The following CTNNA3 variants were observed in gnomAD, a reference collection of about 807,000 sequenced individuals.
CTNNA3 encodes the protein catenin alpha-3.
A neutral mutation model predicts 95.7 loss-of-function variants in CTNNA3; 76 were observed. The ratio of observed to expected loss-of-function variants is 0.79; its 90% CI spans 0.66 to 0.96. The LOEUF is 0.96. CTNNA3 is among the 40% of genes least tolerant of loss of function. The pLI, the probability that CTNNA3 is intolerant of heterozygous loss-of-function variation, is 0.00. For missense variants in CTNNA3, 1,191 were observed against 1,089.8 expected (o/e 1.09, Z -1.31); for synonymous variants, 431 against 374.4 (o/e 1.15, Z -1.74).
chr10:66,732,746 G>T (rs547656224), intron 9 of CTNNA3, among the ~76,000 whole-genome samples: 4 of 151,972 alleles, frequency 2.6e-5, no homozygotes, highest in Non-Finnish European at 4.4e-5. Context: ...TTCAAGATGG[G>T]ATTTGGGTGG....
At chr10:66,105,089 T>C (rs555404165) in intron 13 of CTNNA3, among the ~76,000 whole-genome samples, 1 of 152,334 alleles carries the variant, frequency 6.6e-6, no homozygotes, top group Admixed American at 6.5e-5. Flanking sequence ...AACCAATTCC[T>C]ATCAGATATT....
At chr10:67,306,418 G>T (rs1235435918) in intron 5 of CTNNA3, among the ~76,000 whole-genome samples, 2 of 152,178 alleles carry the variant, frequency 1.3e-5, no homozygotes, top group Non-Finnish European at 2.9e-5. Flanking sequence ...TTGCAAGATA[G>T]GTGATTGAAG....
intron 9 of CTNNA3, among the ~76,000 whole-genome samples, chr10:66,689,748 G>C (rs755430247): frequency 2.0e-5 from 3 of 151,994 alleles, no homozygotes; most frequent in Non-Finnish European, 4.4e-5. Context: ...AAAATAACAA[G>C]ACAGTAACTG....
intron 12 of CTNNA3, among the ~76,000 whole-genome samples, chr10:66,298,208 CAG>C: frequency 6.6e-6 from 1 of 152,248 alleles, no homozygotes; most frequent in East Asian, 1.9e-4. Context: ...GGTTAAAGGG[CAG>C]ACACTTGCAG....
intron 17 of CTNNA3, among the ~76,000 whole-genome samples, chr10:65,945,855 A>G (rs1234152723): frequency 6.6e-6 from 1 of 152,194 alleles, no homozygotes; most frequent in Non-Finnish European, 1.5e-5. Context: ...GTTAGTTGTC[A>G]TTGTGGTTAC....
chr10:65,986,584 C>T (rs574473577), intron 16 of CTNNA3, among the ~76,000 whole-genome samples: 1 of 151,084 alleles, frequency 6.6e-6, no homozygotes, highest in South Asian at 2.1e-4. Flanking sequence ...AAAAAGATAT[C>T]CTCTGTTCAT....
At chr10:66,445,122 C>T (rs989830824) in intron 11 of CTNNA3, among the ~76,000 whole-genome samples, 3 of 152,028 alleles carry the variant, frequency 2.0e-5, no homozygotes, top group African/African-American at 7.3e-5. Context: ...GAAGAGCTAA[C>T]TATCCTAAAT....
chr10:66,305,764 T>C (rs2091925258), intron 12 of CTNNA3, among the ~76,000 whole-genome samples: 1 of 152,178 alleles, frequency 6.6e-6, no homozygotes, highest in Admixed American at 6.5e-5. Flanking sequence ...TCAGAGAGGA[T>C]TGTCTTATTC....
At position 67,756,904 on chromosome 10, in the gene CTNNA3, A is replaced by G. The variant is rs188152924; in HGVS notation, c.-2+6530T>C. ...GTTACAGCTATGTAAAAAAATATAT[A>G]TAAGTATAGGGGAAAGGACTAAAAG... On this transcript the variant is annotated intron_variant, in intron 1 of 17. Transcript: ENST00000684154. 1.6e-4 allele frequency among the ~76,000 whole-genome samples: 25 copies of G among 152,350 alleles called. No individual in the cohort carries two copies. The East Asian group carries it at 3.3e-3, about 20-fold the overall frequency.
At chr10:67,197,351 G>C (rs1468569478) in intron 6 of CTNNA3, among the ~76,000 whole-genome samples, 1 of 152,010 alleles carries the variant, frequency 6.6e-6, no homozygotes, top group Non-Finnish European at 1.5e-5. Context: ...ATTTCTGTTT[G>C]ATTCTACCTT....
At chr10:66,818,845 T>A (rs755323164) in intron 7 of CTNNA3, among the ~76,000 whole-genome samples, 65 of 152,094 alleles carry the variant, frequency 4.3e-4, no homozygotes, top group Admixed American at 7.9e-4. Context: ...ATCCCAGCAC[T>A]TTGGGAGGCC....
Position 66,341,168 on chromosome 10 carries a change from G to A in CTNNA3, c.1732+37984C>T, listed in dbSNP as rs2092449660. Among the ~76,000 whole-genome samples, 3 of 151,962 alleles carry A rather than the reference G, an allele frequency of 2.0e-5. No individual in the cohort carries two copies. The South Asian group carries it at 6.2e-4, about 32-fold the overall frequency. On this transcript the variant is annotated intron_variant, in intron 12 of 17. Transcript: ENST00000433211. ...GATGAGTTAAAAGAAGATGAAACAAGATGATAAAACCAGTCTCTTTTCAAG... is the reference window on the plus strand; with the variant it reads ...GATGAGTTAAAAGAAGATGAAACAAAATGATAAAACCAGTCTCTTTTCAAG...
At chr10:66,882,785 G>A (rs1239369759) in intron 7 of CTNNA3, among the ~76,000 whole-genome samples, 1 of 151,824 alleles carries the variant, frequency 6.6e-6, no homozygotes, top group East Asian at 1.9e-4. Flanking sequence ...TTTATCAAGG[G>A]GAAAAAGATG....
At chr10:67,627,875 A>G (rs1235530932) in intron 2 of CTNNA3, among the ~76,000 whole-genome samples, 1 of 151,870 alleles carries the variant, frequency 6.6e-6, no homozygotes, top group Non-Finnish European at 1.5e-5. Flanking sequence ...ACTGTATATG[A>G]TAAACAACTA....
intron 13 of CTNNA3, among the ~76,000 whole-genome samples, chr10:66,157,464 A>C (rs1293291803): frequency 6.6e-6 from 1 of 151,182 alleles, no homozygotes; most frequent in Non-Finnish European, 1.5e-5. Context: ...AGATAGATAG[A>C]TAGACAGATG....
At chr10:67,252,585 C>T (rs1457699946) in intron 5 of CTNNA3, among the ~76,000 whole-genome samples, 2 of 152,128 alleles carry the variant, frequency 1.3e-5, no homozygotes, top group Non-Finnish European at 2.9e-5. Context: ...ACTGTACTCA[C>T]CCTTCTTCTT....
intron 5 of CTNNA3, among the ~76,000 whole-genome samples, chr10:67,318,343 A>C (rs2132545255): frequency 6.6e-6 from 1 of 152,282 alleles, no homozygotes; most frequent in Non-Finnish European, 1.5e-5. Flanking sequence ...AGATCATGTG[A>C]CCTTAAGCAA....
intron 11 of CTNNA3, among the ~76,000 whole-genome samples, chr10:66,451,593 GT>G (rs2093465412): frequency 6.6e-6 from 1 of 151,892 alleles, no homozygotes; most frequent in Non-Finnish European, 1.5e-5. Flanking sequence ...GTTTTTAAAG[GT>G]TTTTAAGTAT....
intron 11 of CTNNA3, among the ~76,000 whole-genome samples, chr10:66,446,183 T>C (rs1389821487): frequency 2.0e-5 from 3 of 152,270 alleles, no homozygotes; most frequent in East Asian, 3.9e-4. Context: ...CAATAATCAA[T>C]AGCTTACAAA....
Sources: allele counts gnomAD v4.1 joint callset (sites outside exome capture counted in the v4.1 genomes callset), GRCh38; gene constraint gnomAD v4.1.1; transcripts MANE v1.5; gene names NCBI Gene and HGNC (gene_info 2026-07-23, HGNC 2026-07-21).